The following DOCK1 variants were observed in gnomAD, a reference collection of about 807,000 sequenced individuals.
DOCK1 encodes the protein dedicator of cytokinesis 1.
A neutral mutation model predicts 262.7 loss-of-function variants in DOCK1; 138 were observed. That is an observed-to-expected ratio of 0.53 (90% CI 0.46 to 0.61). The LOEUF is 0.61. Ranked by LOEUF, DOCK1 falls within the 20% of genes least tolerant of loss-of-function variation. The probability of loss-of-function intolerance (pLI) is 0.00; values close to 1 mark genes in which losing one functional copy is unlikely to be tolerated. For missense variants in DOCK1, 1,908 were observed against 2,370.7 expected, an observed-to-expected ratio of 0.80 and a Z score of 4.05; for synonymous variants, 866 against 867.4, an observed-to-expected ratio of 1.00 and a Z score of 0.03.
intron 23 of DOCK1, among the ~76,000 whole-genome samples, chr10:127,080,403 TCCCCTCCCATAGCCGAC>T (rs887883590): frequency 1.5e-4 from 23 of 152,288 alleles, no homozygotes; most frequent in African/African-American, 5.3e-4. Context: ...CACTGACCTG[TCCCCTCCCATAGCCGAC>T]CCCCTCCTGT....
At chr10:127,052,153 C>T (rs184607501) in intron 21 of DOCK1, among the ~76,000 whole-genome samples, 1 of 152,186 alleles carries the variant, frequency 6.6e-6, no homozygotes, top group South Asian at 2.1e-4. Flanking sequence ...CTTAGAACAA[C>T]GTCTACACTT....
Position 127,290,600 on chromosome 10 carries a change from G to A in DOCK1, c.3044+33171G>A, listed in dbSNP as rs558318042. On this transcript the variant is annotated intron_variant, in intron 29 of 51. Transcript: ENST00000623213. Reference sequence around the variant, plus strand: ...TCTTTTCTCCTCCTCGCCCTACCCCGTTTCTGACAACCACTAATGCCTTCT... The same window carrying A: ...TCTTTTCTCCTCCTCGCCCTACCCCATTTCTGACAACCACTAATGCCTTCT... Among the ~76,000 whole-genome samples the A allele has an allele frequency of 1.2e-3, 177 of 152,162 alleles. 1 individual carries two copies. Among genetic ancestry groups the A allele is most frequent in the African/African-American group, 3.6e-3 (150 of 41,496 alleles).
chr10:127,393,591 C>T (rs1424655457), intron 38 of DOCK1, among the ~76,000 whole-genome samples: 1 of 152,080 alleles, frequency 6.6e-6, no homozygotes, highest in Non-Finnish European at 1.5e-5. Context: ...TGGGCGGGGG[C>T]AGGGAGAGAC....
At chr10:127,095,228 C>T (rs931794735) in intron 23 of DOCK1, among the ~76,000 whole-genome samples, 9 of 152,172 alleles carry the variant, frequency 5.9e-5, no homozygotes, top group Non-Finnish European at 1.0e-4. Flanking sequence ...ACGCCTCGTG[C>T]TTTTTGCTAC....
At chr10:127,018,158 A>G (rs2042153025) in intron 12 of DOCK1, among the ~76,000 whole-genome samples, 1 of 152,198 alleles carries the variant, frequency 6.6e-6, no homozygotes, top group Non-Finnish European at 1.5e-5. Flanking sequence ...CCTGGGCTCC[A>G]CAGGCTGCAC....
chr10:126,980,792 A>C (rs1448786605), intron 3 of DOCK1, among the ~76,000 whole-genome samples: 1 of 151,950 alleles, frequency 6.6e-6, no homozygotes, highest in Non-Finnish European at 1.5e-5. Context: ...GTGCCACTTT[A>C]TCAATTTCTG....
intron 30 of DOCK1, among the ~76,000 whole-genome samples, chr10:127,339,558 C>A (rs1197226359): frequency 6.7e-6 from 1 of 150,214 alleles, no homozygotes; most frequent in Admixed American, 6.6e-5. Flanking sequence ...GCCCCCCAGA[C>A]CCCATGGTCC....
intron 38 of DOCK1, among the ~76,000 whole-genome samples, chr10:127,397,041 G>A (rs1317166744): frequency 1.2e-4 from 16 of 136,454 alleles, no homozygotes; most frequent in African/African-American, 3.6e-4. Flanking sequence ...CACGGGCGGC[G>A]ACTCCTATGT....
intron 29 of DOCK1, among the ~76,000 whole-genome samples, chr10:127,332,743 T>C (rs939024937): frequency 1.3e-5 from 2 of 152,160 alleles, no homozygotes; most frequent in African/African-American, 4.8e-5. Flanking sequence ...ACATATATGG[T>C]TTTTGTTTCC....
rs1393146339 is a variant in DOCK1, at chr10:127,075,331, G to T, written c.2445+13555G>T. 2.6e-5 allele frequency among the ~76,000 whole-genome samples: 4 copies of T among 152,048 alleles called. No individual in the cohort carries two copies. In the East Asian group the frequency reaches 7.7e-4, roughly 29 times the overall value. On this transcript the variant is annotated intron_variant, in intron 23 of 51. Coordinates refer to ENST00000623213, the MANE Select transcript of DOCK1 (RefSeq NM_001290223.2). The stretch of plus-strand genomic sequence containing the variant: ...CTGTCACTTAGGCTGTAGTGCAGTG[G>T]TGCAATCTTGGCTCACTGTAGCCTT...
chr10:127,220,478 CTT>C (rs1489040069), intron 27 of DOCK1, among the ~76,000 whole-genome samples: 2 of 151,250 alleles, frequency 1.3e-5, no homozygotes, highest in East Asian at 2.0e-4. Context: ...AAAAAAAAAA[CTT>C]AAGTCTATCC....
intron 22 of DOCK1, among the ~76,000 whole-genome samples, chr10:127,058,027 G>A (rs1434233085): frequency 6.6e-6 from 1 of 152,068 alleles, no homozygotes; most frequent in African/African-American, 2.4e-5. Context: ...CAAAAAAGTG[G>A]TTCTCCCTGG....
intron 46 of DOCK1, 148 bp downstream of exon 46, chr10:127,419,897 C>G: frequency 1.2e-6 from 1 of 800,324 alleles, no homozygotes; most frequent in Non-Finnish European, 2.0e-6. Context: ...AACCCACCCA[C>G]TGCTGTCGTG....
chr10:127,276,585 C>T (rs1461504986), intron 29 of DOCK1, among the ~76,000 whole-genome samples: 2 of 152,136 alleles, frequency 1.3e-5, no homozygotes, highest in African/African-American at 4.8e-5. Flanking sequence ...ACACTGGTGA[C>T]ACGGACATTT....
At chr10:127,261,274 TGC>T (rs1396260129) in intron 29 of DOCK1, among the ~76,000 whole-genome samples, 2 of 126,764 alleles carry the variant, frequency 1.6e-5, no homozygotes, top group Non-Finnish European at 3.3e-5. Flanking sequence ...TGTGTGTGTG[TGC>T]CTGCATGTGT....
intron 33 of DOCK1, among the ~76,000 whole-genome samples, chr10:127,370,412 G>T (rs760911841): frequency 6.6e-6 from 1 of 152,098 alleles, no homozygotes; most frequent in Non-Finnish European, 1.5e-5. Context: ...CTCCTGCTGC[G>T]CTCCCACAGA....
chr10:127,034,147 C>T (rs2043427698), intron 18 of DOCK1, among the ~76,000 whole-genome samples: 2 of 152,196 alleles, frequency 1.3e-5, no homozygotes, highest in South Asian at 4.1e-4. Context: ...TGTCCCTGTT[C>T]ATGCTGCTGA....
At chr10:126,950,656 AG>A (rs1463442313) in intron 1 of DOCK1, among the ~76,000 whole-genome samples, 3 of 152,124 alleles carry the variant, frequency 2.0e-5, no homozygotes, top group Non-Finnish European at 2.9e-5. Context: ...TCTCAGAGCA[AG>A]GCCACATGAT....
At chr10:127,262,898 T>C (rs952328193) in intron 29 of DOCK1, among the ~76,000 whole-genome samples, 1 of 152,080 alleles carries the variant, frequency 6.6e-6, no homozygotes. Context: ...CATGGGAAAA[T>C]TGAGGCATGG....
Sources: gnomAD v4.1 joint callset for allele counts (sites outside exome capture counted in the v4.1 genomes callset) on GRCh38, gnomAD v4.1.1 for gene constraint, MANE v1.5 for transcripts, NCBI Gene and HGNC (gene_info 2026-07-23, HGNC 2026-07-21) for gene names.